ALDH1L1: variants seen among roughly 807,000 people sequenced by gnomAD.
The protein encoded by ALDH1L1 is aldehyde dehydrogenase 1 family member L1, also known as cytosolic 10-formyltetrahydrofolate dehydrogenase.
A neutral mutation model predicts 101.1 loss-of-function variants in ALDH1L1; 68 were observed. The ratio of observed to expected loss-of-function variants is 0.67; its 90% confidence interval spans 0.55 to 0.82. ALDH1L1 has a LOEUF of 0.82. Among genes scored for constraint, ALDH1L1 ranks in the 40% least tolerant of loss-of-function variants. ALDH1L1 has a pLI of 0.00. For missense variants in ALDH1L1, 1,087 were observed against 1,172.7 expected (o/e 0.93, Z 1.07); for synonymous variants, 486 against 470.8 (o/e 1.03, Z -0.42).
intron 7 of ALDH1L1, chr3:126,151,261 C>T (rs958919028): frequency 6.6e-5 from 10 of 152,202 alleles, no homozygotes; most frequent in African/African-American, 2.4e-4. Context: ...GCCACAGAAA[C>T]ACCTGGAGAA....
chr3:126,159,607 T>G (rs1480792342), intron 2 of ALDH1L1: 1 of 448,318 alleles, frequency 2.2e-6, no homozygotes, highest in Non-Finnish European at 4.5e-6. Context: ...TGTCAGCAGA[T>G]TGGACTGCAC....
At chr3:126,145,651 G>C (rs2080659429) in intron 9 of ALDH1L1, among the ~76,000 whole-genome samples, 1 of 152,204 alleles carries the variant, frequency 6.6e-6, no homozygotes, top group African/African-American at 2.4e-5. Context: ...AGAGCAAAAA[G>C]AATGGCTGTT....
chr3:126,120,152 T>C (rs2080050552), intron 16 of ALDH1L1, among the ~76,000 whole-genome samples: 2 of 152,252 alleles, frequency 1.3e-5, no homozygotes, highest in Non-Finnish European at 2.9e-5. Context: ...GTTGAAAACT[T>C]ACGTCCACAC....
intron 14 of ALDH1L1, chr3:126,129,590 T>A (rs1868129): frequency 0.64 from 96,774 of 152,382 alleles, 30,830 homozygotes; most frequent in Middle Eastern, 0.7. Flanking sequence ...GTCACCGGCC[T>A]AGCACAGTGG....
At chr3:126,113,542 G>A (rs1182348200) in intron 18 of ALDH1L1, among the ~76,000 whole-genome samples, 1 of 152,212 alleles carries the variant, frequency 6.6e-6, no homozygotes, top group Non-Finnish European at 1.5e-5. Flanking sequence ...GGACTGCACA[G>A]CCAATGACAG....
At chr3:126,174,281 C>T (rs559632049) in intron 1 of ALDH1L1, among the ~76,000 whole-genome samples, 15 of 152,324 alleles carry the variant, frequency 9.8e-5, no homozygotes, top group African/African-American at 2.4e-4. Context: ...CTGCCCACCT[C>T]GGCCTCCCAA....
chr3:126,171,139 C>A (rs1188486854), intron 1 of ALDH1L1, among the ~76,000 whole-genome samples: 3 of 152,056 alleles, frequency 2.0e-5, no homozygotes, highest in African/African-American at 4.8e-5. Flanking sequence ...TCTACTAAAA[C>A]TACAAAAAAT....
At chr3:126,179,809 AG>A (rs926497226) in intron 1 of ALDH1L1, 4 of 152,168 alleles carry the variant, frequency 2.6e-5, no homozygotes, top group Non-Finnish European at 5.9e-5. Flanking sequence ...TTCCTCTCCT[AG>A]GCAAGTGCCC....
chr3:126,154,895 C>T (rs2364372), intron 5 of ALDH1L1, among the ~76,000 whole-genome samples: 10,640 of 152,218 alleles, frequency 0.07, 473 homozygotes, highest in African/African-American at 0.12. Context: ...ATGGCCCAGA[C>T]CCTACACAGA....
At position 126,158,552 on chromosome 3, in the gene ALDH1L1, T is replaced by G; in HGVS notation, c.215A>C (p.Lys72Thr). Residue 72 changes from lysine to threonine, a missense_variant, in exon 3 of 23, where the codon AAA becomes ACA. Around this residue, in one of 2 missense-constraint regions of ALDH1L1, gnomAD observed 645 missense variants for 637.0 expected, o/e 1.01. Transcript: ENST00000393434. ...GAGCTCGGCCCCCAAAGCCTGGTAT[T>G]TTGCCACCACATCAGGCAAAGCCTG... ...KGQALPDVVA[K>T]YQALGAELNV... 1 of 1,614,180 alleles carries G rather than the reference T, an allele frequency of 6.2e-7. No individual in the cohort carries two copies. Among genetic ancestry groups the G allele is most frequent in the Non-Finnish European group, 8.5e-7 (1 of 1,180,022 alleles).
upstream of ALDH1L1, among the ~76,000 whole-genome samples, chr3:126,182,864 AGGAGATTGTTGAAGGTGCCTCCTCCTG>A (rs1471430109): frequency 6.6e-6 from 1 of 152,204 alleles, no homozygotes; most frequent in Non-Finnish European, 1.5e-5. Flanking sequence ...GATCTCATTA[AGGAGATTGTTGAAGGTGCCTCCTCCTG>A]GCTTCTTCTT....
intron 1 of ALDH1L1, among the ~76,000 whole-genome samples, chr3:126,161,934 G>GATATATATATAT (rs34367231): frequency 1.4e-4 from 21 of 150,468 alleles, no homozygotes; most frequent in African/African-American, 5.1e-4. Context: ...GGTTTCGCTT[G>GATATATATATAT]ATATATATAT....
chr3:126,117,946 G>T, intron 17 of ALDH1L1, 59 bp downstream of exon 17: 1 of 1,489,568 alleles, frequency 6.7e-7, no homozygotes, highest in Non-Finnish European at 9.2e-7. Context: ...GGACAGCACT[G>T]CCATGTCCCA....
At chr3:126,194,130 T>A (rs1007381784) in intron 1 of ALDH1L1, among the ~76,000 whole-genome samples, 4 of 152,230 alleles carry the variant, frequency 2.6e-5, no homozygotes, top group African/African-American at 9.6e-5. Context: ...ATATAAATAG[T>A]AATTTGGTTA....
At chr3:126,149,471 T>C (rs1462066611) in intron 8 of ALDH1L1, among the ~76,000 whole-genome samples, 1 of 152,258 alleles carries the variant, frequency 6.6e-6, no homozygotes, top group Non-Finnish European at 1.5e-5. Context: ...TCTGTCCAGC[T>C]GGCCCTGCAA....
At chr3:126,155,712 C>T (rs1460574718) in intron 4 of ALDH1L1, 30 of 498,586 alleles carry the variant, frequency 6.0e-5, no homozygotes, top group Non-Finnish European at 9.1e-5. Flanking sequence ...GTCCTCTCTA[C>T]CTGGCAAAGG....
At chr3:126,114,013 G>A (rs1559918601) in intron 18 of ALDH1L1, among the ~76,000 whole-genome samples, 1 of 152,234 alleles carries the variant, frequency 6.6e-6, no homozygotes, top group Non-Finnish European at 1.5e-5. Flanking sequence ...GGTGGAGCCA[G>A]GCACTGCACC....
chr3:126,189,090 A>G (rs764069008), intron 1 of ALDH1L1, among the ~76,000 whole-genome samples: 1 of 152,254 alleles, frequency 6.6e-6, no homozygotes, highest in African/African-American at 2.4e-5. Flanking sequence ...TTTGTGGGCC[A>G]GAAGTCCAGC....
At chr3:126,118,228 C>A in intron 16 of ALDH1L1, 130 bp from the exon 17 acceptor site, 1 of 721,736 alleles carries the variant, frequency 1.4e-6, no homozygotes, top group Non-Finnish European at 2.4e-6. Context: ...TGCTTGATCC[C>A]CATGGTGCCT....
Sources: gnomAD v4.1 joint callset for allele counts (sites outside exome capture counted in the v4.1 genomes callset) on GRCh38, gnomAD v4.1.1 for gene constraint, gnomAD v4.1.1 regional missense constraint, MANE v1.5 for transcripts, NCBI Gene and HGNC (gene_info 2026-07-23, HGNC 2026-07-21) for gene names.